MGA: variants seen among roughly 807,000 people sequenced by gnomAD.
MGA encodes the protein MAX dimerization protein MGA.
MGA carries 40 observed loss-of-function variants against 261.1 expected under a neutral mutation model. The ratio of observed to expected loss-of-function variants is 0.15; its 90% CI spans 0.12 to 0.20. The LOEUF (loss-of-function observed/expected upper bound fraction) is 0.20. Ranked by LOEUF, MGA falls within the 10% of genes least tolerant of loss-of-function variation. The pLI is 1.00. For synonymous variants in MGA, 1,302 were observed against 1,290.6 expected (o/e 1.01, Z -0.19); for missense variants, 3,397 against 3,630.5 (o/e 0.94, Z 1.65).
intron 1 of MGA, among the ~76,000 whole-genome samples, chr15:41,654,078 C>CTCT (rs10668622): frequency 0.99 from 151,359 of 152,254 alleles, 75,239 homozygotes; most frequent in Middle Eastern, 1. Context: ...GGCTAATATC[C>CTCT]TCTTCTGTAT....
intron 2 of MGA, among the ~76,000 whole-genome samples, chr15:41,682,182 G>T (rs2058718994): frequency 1.3e-5 from 2 of 152,138 alleles, no homozygotes; most frequent in Non-Finnish European, 2.9e-5. Context: ...CACCCAAAGT[G>T]TTGGGATTAT....
At chr15:41,656,377 T>TCACA (rs1243345715), upstream of MGA, among the ~76,000 whole-genome samples, 2,505 of 68,012 alleles carry the variant, frequency 0.037, 176 homozygotes, top group South Asian at 0.13. Context: ...TCTCTCTCTC[T>TCACA]CACACCCAGG....
At chr15:41,673,826 A>T (rs958975318) in intron 2 of MGA, among the ~76,000 whole-genome samples, 1 of 151,854 alleles carries the variant, frequency 6.6e-6, no homozygotes, top group Non-Finnish European at 1.5e-5. Context: ...TACAGGCGTG[A>T]GCTACCCCAT....
intron 19 of MGA, among the ~76,000 whole-genome samples, chr15:41,758,279 ATAAT>A (rs1274404103): frequency 6.6e-6 from 1 of 152,158 alleles, no homozygotes; most frequent in Non-Finnish European, 1.5e-5. Flanking sequence ...TCATAGTAAC[ATAAT>A]TAAGCAGGGT....
chr15:41,679,901 G>T (rs1441179797), intron 2 of MGA, among the ~76,000 whole-genome samples: 7 of 152,010 alleles, frequency 4.6e-5, no homozygotes, highest in Non-Finnish European at 1.0e-4. Flanking sequence ...GTAGTAGGTG[G>T]CAAATAGTGG....
rs766210662 is a variant in MGA at position 41,750,226 on chromosome 15, A to G, written c.6619A>G (p.Thr2207Ala). ...CGAGCAGTTAATTAAAGAAACAAAG[A>G]CATGTCAGGAAAATTCAGATGTGTT... The change falls in exon 17 of 24, where the codon ACA (threonine) becomes GCA (alanine). Residue 2207 changes from threonine (T) to alanine (A), a missense_variant. By Grantham distance (58) the Thr-to-Ala change is moderately conservative. This residue lies in a region of MGA where 1,410 missense variants were observed against 1,386.4 expected (regional missense o/e 1.02). Coordinates refer to ENST00000219905, the MANE Select transcript of MGA (RefSeq NM_001164273.2). 11 of 1,613,838 alleles carry G rather than the reference A, an allele frequency of 6.8e-6. No individual in the cohort carries two copies. Among genetic ancestry groups the G allele is most frequent in the Middle Eastern group, 1.6e-4 (1 of 6,084 alleles).
At chr15:41,664,366 G>T (rs998085299) in intron 1 of MGA, among the ~76,000 whole-genome samples, 2 of 152,136 alleles carry the variant, frequency 1.3e-5, no homozygotes, top group Non-Finnish European at 2.9e-5. Flanking sequence ...TTTGTCAACT[G>T]CATCTTTGAC....
At chr15:41,763,125 A>T (rs2063584039) in intron 22 of MGA, among the ~76,000 whole-genome samples, 1 of 93,608 alleles carries the variant, frequency 1.1e-5, no homozygotes, top group South Asian at 3.7e-4. Flanking sequence ...TTTGAGACAG[A>T]GTCTTGCTCT....
At chr15:41,659,710 C>T (rs527602829), upstream of MGA, among the ~76,000 whole-genome samples, 21 of 152,342 alleles carry the variant, frequency 1.4e-4, no homozygotes, top group African/African-American at 4.3e-4. Context: ...TGCACAGGAT[C>T]AAGGCACTAA....
chr15:41,736,371 G>C lies in MGA; in HGVS notation c.4107G>C (p.Val1369=). The C allele has an allele frequency of 6.2e-7, 1 of 1,613,962 alleles. No homozygotes were observed. The highest frequency in any genetic ancestry group is 8.5e-7 in the Non-Finnish European group (1 of 1,179,886). Residue 1369 remains valine (V), a synonymous_variant, in exon 13 of 24, where the codon GTG becomes GTC. Transcript: ENST00000219905. ...GCAACATGCCACAATCACTTAAGGTGGGCAGCTTCATCATTGAGTTGGCTT... is the reference window on the plus strand; with the variant it reads ...GCAACATGCCACAATCACTTAAGGTCGGCAGCTTCATCATTGAGTTGGCTT...
At chr15:41,720,738 C>T (rs942525847) in intron 9 of MGA, among the ~76,000 whole-genome samples, 1 of 152,054 alleles carries the variant, frequency 6.6e-6, no homozygotes, top group Non-Finnish European at 1.5e-5. Flanking sequence ...GAGGCTGAGC[C>T]ACGAGAATCT....
At chr15:41,650,154 C>T (rs1213821319) in intron 1 of MGA, among the ~76,000 whole-genome samples, 1 of 152,146 alleles carries the variant, frequency 6.6e-6, no homozygotes, top group Non-Finnish European at 1.5e-5. Context: ...TATTGGTTAT[C>T]TGATAATAGT....
upstream of MGA, among the ~76,000 whole-genome samples, chr15:41,656,947 A>G (rs945339927): frequency 2.6e-5 from 4 of 151,972 alleles, no homozygotes; most frequent in South Asian, 8.3e-4. Flanking sequence ...TAATTTTTTA[A>G]TATTTTGCAG....
At chr15:41,645,601 A>G (rs2056921386) in intron 1 of MGA, among the ~76,000 whole-genome samples, 1 of 152,148 alleles carries the variant, frequency 6.6e-6, no homozygotes, top group Non-Finnish European at 1.5e-5. Context: ...AAATTGTTGG[A>G]TTCTTTGATT....
intron 1 of MGA, among the ~76,000 whole-genome samples, chr15:41,622,917 T>TTA (rs1324464655): frequency 6.6e-6 from 1 of 152,254 alleles, no homozygotes; most frequent in Admixed American, 6.5e-5. Flanking sequence ...GTCTTCGAAT[T>TTA]TTGTGCGAAC....
chr15:41,690,501 G>A (rs929399341), intron 2 of MGA, among the ~76,000 whole-genome samples: 1 of 152,076 alleles, frequency 6.6e-6, no homozygotes, highest in Admixed American at 6.6e-5. Context: ...ATAAATGTGG[G>A]CATTTATTTC....
intron 1 of MGA, among the ~76,000 whole-genome samples, chr15:41,646,438 C>T (rs553300036): frequency 2.9e-4 from 44 of 151,826 alleles, no homozygotes; most frequent in African/African-American, 9.4e-4. Flanking sequence ...CTCTGCCTCC[C>T]GAGTTCAAGT....
Position 41,669,665 on chromosome 15 carries a change from C to G in MGA, c.771C>G (p.Gly257=). The G allele has an allele frequency of 6.2e-7, 1 of 1,613,742 alleles. No homozygotes were observed. ...TAGATTACAATCCATTTGCCAAAGG[C>G]TTTCGGGATGATGGGCTGAATAATA... The change falls in exon 2 of 24, where the codon GGC becomes GGG. Residue 257 remains glycine, a synonymous_variant. Coordinates refer to ENST00000219905, the MANE Select transcript of MGA (RefSeq NM_001164273.2).
intron 9 of MGA, among the ~76,000 whole-genome samples, chr15:41,726,613 C>T (rs899119985): frequency 1.3e-5 from 2 of 151,766 alleles, no homozygotes; most frequent in Admixed American, 6.6e-5. Context: ...CCTGTAATCC[C>T]AGCTACTCAG....
Sources: allele counts gnomAD v4.1 joint callset (sites outside exome capture counted in the v4.1 genomes callset), GRCh38; gene constraint gnomAD v4.1.1; regional missense constraint gnomAD v4.1.1; transcripts MANE v1.5; gene names NCBI Gene and HGNC (gene_info 2026-07-23, HGNC 2026-07-21).